TPM3: variants seen among roughly 807,000 people sequenced by gnomAD.
The protein encoded by TPM3 is tropomyosin 3, also known as tropomyosin alpha-3 chain.
Under a neutral mutation model 43.1 loss-of-function variants are expected in TPM3, and 16 were observed. The observed-to-expected ratio is 0.37, with a 90% confidence interval of 0.25 to 0.56. TPM3 has a LOEUF of 0.56. TPM3 is among the 20% of genes least tolerant of loss of function. The pLI is 0.77. For synonymous variants in TPM3, 101 were observed against 116.9 expected (o/e 0.86, Z 0.88); for missense variants, 176 against 337.2 (o/e 0.52, Z 3.74).
Position 154,166,950 on chromosome 1 carries a change from T to C in TPM3, c.*987A>G, listed in dbSNP as rs1345460740. ...CACCTGCCCCAGCCTCCCAAAGTGC[T>C]GGGATTATAGGCGTGAGCTACCACG... On this transcript the variant is annotated 3_prime_UTR_variant, in exon 10 of 10. Transcript: ENST00000651641. 6.6e-6 allele frequency among the ~76,000 whole-genome samples: 1 copy of C among 152,246 alleles called. No individual in the cohort carries two copies. The highest frequency in any genetic ancestry group is 1.5e-5 in the Non-Finnish European group (1 of 68,038).
chr1:154,171,288 G>T, intron 6 of TPM3, 125 bp downstream of exon 6: 1 of 967,692 alleles, frequency 1.0e-6, no homozygotes, highest in African/African-American at 1.6e-5. Context: ...TGAATACATG[G>T]TAAGGAGGTA....
chr1:154,180,514 A>G (rs980685323), intron 2 of TPM3, among the ~76,000 whole-genome samples: 19 of 152,180 alleles, frequency 1.2e-4, no homozygotes, highest in African/African-American at 4.1e-4. Context: ...GATTTCATCA[A>G]TATTTAACTA....
intron 9 of TPM3, among the ~76,000 whole-genome samples, chr1:154,168,383 T>C (rs1299751856): frequency 6.6e-6 from 1 of 152,236 alleles, no homozygotes; most frequent in African/African-American, 2.4e-5. Flanking sequence ...GTATGGATTC[T>C]ACCTCTAGCA....
At chr1:154,183,054 A>G in intron 2 of TPM3, 4 of 1,606,270 alleles carry the variant, frequency 2.5e-6, no homozygotes, top group Non-Finnish European at 3.4e-6. Context: ...CCTCTGCATC[A>G]TCTGCCTGCT....
At chr1:154,170,020 CA>C in intron 8 of TPM3, 1 of 280,372 alleles carries the variant, frequency 3.6e-6, no homozygotes, top group South Asian at 3.9e-5. Context: ...ACTTGAGTGG[CA>C]AAAAGAACTG....
In TPM3 at chr1:154,179,696, G is replaced by A. The variant is rs2148271046; in HGVS notation, c.244-3448C>T. On this transcript the variant is annotated intron_variant, in intron 2 of 9. Coordinates refer to ENST00000651641, the MANE Select transcript of TPM3 (RefSeq NM_152263.4). ...CCTCCAGGGTTGAAGCAATTCTTGT[G>A]CCTCAGCCTCCCAAGTAGCTGGGAT... is the stretch of plus-strand genomic sequence containing the variant. Among the ~76,000 whole-genome samples the A allele has an allele frequency of 2.0e-5, 3 of 152,214 alleles. No homozygotes were observed. The Middle Eastern group carries it at 0.01, about 518-fold the overall frequency.
In TPM3 at chr1:154,163,373, T is replaced by C. The variant is rs1660587055; in HGVS notation, c.*4564A>G. Among the ~76,000 whole-genome samples the C allele has an allele frequency of 1.3e-5, 2 of 152,302 alleles. No individual in the cohort carries two copies. The highest frequency in any genetic ancestry group is 2.1e-4 in the South Asian group (1 of 4,824). ...AAGCCCTGCTCTAAAGTAAATTATATTGCCTATATAATCTTCCTACCAATA... is the reference window on the plus strand; with the variant it reads ...AAGCCCTGCTCTAAAGTAAATTATACTGCCTATATAATCTTCCTACCAATA... On this transcript the variant is annotated 3_prime_UTR_variant, in exon 10 of 10. Coordinates refer to ENST00000651641, the MANE Select transcript of TPM3 (RefSeq NM_152263.4).
rs1277691372 is a variant in TPM3, at chr1:154,176,171, C to G, written c.321G>C (p.Leu107=). The G allele has an allele frequency of 6.2e-7, 1 of 1,614,080 alleles. No homozygotes were observed. The highest frequency in any genetic ancestry group is 1.3e-5 in the African/African-American group (1 of 74,934). The change falls in exon 3 of 10, where the codon CTG becomes CTC. Residue 107 remains leucine (L), a synonymous_variant. Coordinates refer to ENST00000651641, the MANE Select transcript of TPM3 (RefSeq NM_152263.4). ...CTTCCAGCTTTTGCAGGGCAGTGGC[C>G]AGGCGCTCCTGAGCACGGTCCAGCT... is the stretch of plus-strand genomic sequence containing the variant. ...EEELDRAQER[L]ATALQKLEEA...
chr1:154,173,788 G>A (rs1571408676), intron 3 of TPM3, among the ~76,000 whole-genome samples: 1 of 152,018 alleles, frequency 6.6e-6, no homozygotes, highest in South Asian at 2.1e-4. Context: ...TCAGGAGTTC[G>A]AGACCAGCTG....
chr1:154,167,943 G>C lies in TPM3; in HGVS notation c.855-3C>G. 1 of 1,613,932 alleles carries C rather than the reference G, an allele frequency of 6.2e-7. No individual in the cohort carries two copies. The highest frequency in any genetic ancestry group is 8.5e-7 in the Non-Finnish European group (1 of 1,179,948). ...AGAGCAGAAACGGTGATAATTATCT[G>C]TATGAAAAAGTAAGGATACTCTAGG... On this transcript the variant is annotated splice_region_variant and splice_polypyrimidine_tract_variant and intron_variant, in intron 9 of 9. Transcript: ENST00000651641.
At chr1:154,173,676 A>C (rs1016103390) in intron 3 of TPM3, among the ~76,000 whole-genome samples, 2 of 151,602 alleles carry the variant, frequency 1.3e-5, no homozygotes, top group Admixed American at 6.6e-5. Context: ...AAAAAAAAAA[A>C]AAAACTTTTT....
rs142861917 is a variant in TPM3 at position 154,181,416 on chromosome 1, GAAAGAAC to G, written c.244-5175_244-5169del. 7.9e-3 allele frequency among the ~76,000 whole-genome samples: 1,206 copies of G among 152,176 alleles called. 12 individuals are homozygous for G. The highest frequency in any genetic ancestry group is 0.028 in the African/African-American group (1,146 of 41,510). On this transcript the variant is annotated intron_variant, in intron 2 of 9. Coordinates refer to ENST00000651641, the MANE Select transcript of TPM3 (RefSeq NM_152263.4). Reference sequence around the variant, plus strand: ...AAACAAAAACAAAAACTTACCAAGGGAAAGAACAAAGAACAAAGAATAAACCACATGA... The same window carrying G: ...AAACAAAAACAAAAACTTACCAAGGGAAAGAACAAAGAATAAACCACATGA...
intron 2 of TPM3, among the ~76,000 whole-genome samples, chr1:154,187,912 C>G (rs1380573034): frequency 1.3e-5 from 2 of 151,516 alleles, no homozygotes; most frequent in Non-Finnish European, 2.9e-5. Context: ...ACAGAGAGAT[C>G]CATCCAAATA....
downstream of TPM3, among the ~76,000 whole-genome samples, chr1:154,159,960 T>C (rs1660177428): frequency 6.6e-6 from 1 of 151,190 alleles, no homozygotes; most frequent in Admixed American, 6.6e-5. Context: ...ACAAATCCCA[T>C]ATTTATTTAA....
chr1:154,183,982 C>T (rs777982079), intron 2 of TPM3, among the ~76,000 whole-genome samples: 39 of 151,688 alleles, frequency 2.6e-4, no homozygotes, highest in Non-Finnish European at 3.8e-4. Context: ...ACCTCAGCCT[C>T]CGGTGTAGCT....
intron 2 of TPM3, among the ~76,000 whole-genome samples, chr1:154,187,775 C>T (rs529386530): frequency 6.6e-6 from 1 of 151,546 alleles, no homozygotes; most frequent in Admixed American, 6.6e-5. Flanking sequence ...TCCTCAAGCC[C>T]ACATACTAGC....
downstream of TPM3, chr1:154,155,756 CAT>C (rs751500305): frequency 2.6e-4 from 58 of 224,968 alleles, no homozygotes; most frequent in Non-Finnish European, 4.7e-4. Context: ...AGCATAAATC[CAT>C]AGTTTATAAG....
At chr1:154,170,508 G>A (rs1216763828) in intron 7 of TPM3, 39 bp from the exon 8 acceptor site, 1 of 1,610,938 alleles carries the variant, frequency 6.2e-7, no homozygotes, top group South Asian at 1.1e-5. Context: ...CAGAGATGAA[G>A]ACAAAGAAGA....
intron 3 of TPM3, among the ~76,000 whole-genome samples, chr1:154,174,490 T>A (rs181988287): frequency 4.9e-5 from 7 of 142,236 alleles, no homozygotes; most frequent in Non-Finnish European, 9.1e-5. Flanking sequence ...CTCTTTTTTT[T>A]CCCCCCGGTA....
Sources: gnomAD v4.1 joint callset for allele counts (sites outside exome capture counted in the v4.1 genomes callset) on GRCh38, gnomAD v4.1.1 for gene constraint, MANE v1.5 for transcripts, NCBI Gene and HGNC (gene_info 2026-07-23, HGNC 2026-07-21) for gene names.